KANK1: variants seen among roughly 807,000 people sequenced by gnomAD.
The protein encoded by KANK1 is KN motif and ankyrin repeat domains 1.
Under a neutral mutation model 106.2 loss-of-function variants are expected in KANK1, and 109 were observed. The observed-to-expected ratio is 1.03, with a 90% CI of 0.88 to 1.20. The LOEUF (loss-of-function observed/expected upper bound fraction) is 1.20. Among genes scored for constraint, KANK1 ranks in the 50% most tolerant of loss-of-function variants. The pLI is 0.00. For synonymous variants in KANK1, 873 were observed against 652.2 expected (o/e 1.34, Z -5.16); for missense variants, 2,399 against 1,710.7 (o/e 1.40, Z -7.10).
intron 1 of KANK1, among the ~76,000 whole-genome samples, chr9:654,047 G>C (rs1045863059): frequency 1.3e-5 from 2 of 152,160 alleles, no homozygotes; most frequent in Admixed American, 1.3e-4. Flanking sequence ...CACAAACTGA[G>C]GCTGAAATTG....
intron 1 of KANK1, among the ~76,000 whole-genome samples, chr9:672,009 C>T (rs1185101054): frequency 1.3e-5 from 2 of 152,142 alleles, no homozygotes; most frequent in Admixed American, 6.5e-5. Context: ...AAAGGATTTG[C>T]GCAAAGCCTC....
Position 711,018 on chromosome 9 carries a change from T to A in KANK1, c.252T>A (p.Gly84=), listed in dbSNP as rs1825894907. 6.2e-7 allele frequency: 1 copy of A among 1,614,144 alleles called. No homozygotes were observed. Among genetic ancestry groups the A allele is most frequent in the African/African-American group, 1.3e-5 (1 of 75,030 alleles). The stretch of plus-strand genomic sequence containing the variant: ...CCAGGACCACATCTGGTCAGCAAGG[T>A]ATATGGACTTCCACTGAATCCCTCT... ...PEPRTTSGQQ[G]IWTSTESLSS... is the part of the protein sequence containing the mutation. Residue 84 remains glycine (G), a synonymous_variant, in exon 3 of 12, where the codon GGT becomes GGA. Transcript: ENST00000382297.
intron 1 of KANK1, among the ~76,000 whole-genome samples, chr9:511,390 G>C (rs2059021769): frequency 6.6e-6 from 1 of 152,148 alleles, no homozygotes; most frequent in Admixed American, 6.5e-5. Flanking sequence ...AATATTGTAG[G>C]TGTAGGCCCA....
At chr9:567,272 A>G (rs1318550265) in intron 1 of KANK1, among the ~76,000 whole-genome samples, 1 of 152,172 alleles carries the variant, frequency 6.6e-6, no homozygotes, top group African/African-American at 2.4e-5. Context: ...GAAGTTGGGT[A>G]GTGTAATGCC....
chr9:656,434 A>G (rs969462575), intron 1 of KANK1, among the ~76,000 whole-genome samples: 4 of 152,296 alleles, frequency 2.6e-5, no homozygotes, highest in African/African-American at 7.2e-5. Context: ...GGGCTGAGCC[A>G]GTGGTCTTCC....
At chr9:679,663 C>T (rs967305389) in intron 2 of KANK1, among the ~76,000 whole-genome samples, 1 of 152,130 alleles carries the variant, frequency 6.6e-6, no homozygotes, top group African/African-American at 2.4e-5. Flanking sequence ...GATCTGCCTA[C>T]CTCGGCACTT....
At chr9:716,949 C>G (rs1827871804) in intron 3 of KANK1, among the ~76,000 whole-genome samples, 1 of 151,500 alleles carries the variant, frequency 6.6e-6, no homozygotes, top group Admixed American at 6.6e-5. Flanking sequence ...CACCACTACA[C>G]TCCAGCCTGG....
chr9:650,638 A>G (rs577175548), intron 1 of KANK1, among the ~76,000 whole-genome samples: 1 of 152,316 alleles, frequency 6.6e-6, no homozygotes, highest in Non-Finnish European at 1.5e-5. Context: ...AGTGGCACAC[A>G]CCAGACCCTC....
chr9:591,115 A>T (rs1305512047), intron 1 of KANK1, among the ~76,000 whole-genome samples: 1 of 151,704 alleles, frequency 6.6e-6, no homozygotes, highest in African/African-American at 2.4e-5. Context: ...CCATTTCTCC[A>T]GAGGGGTATT....
chr9:637,409 A>G (rs1250137379), intron 1 of KANK1, among the ~76,000 whole-genome samples: 2 of 152,194 alleles, frequency 1.3e-5, no homozygotes, highest in African/African-American at 4.8e-5. Flanking sequence ...CATTGTGACT[A>G]ATGATGACTG....
At chr9:676,105 G>A (rs143677429) in intron 1 of KANK1, among the ~76,000 whole-genome samples, 557 of 152,192 alleles carry the variant, frequency 3.7e-3, no homozygotes, top group Middle Eastern at 0.014. Flanking sequence ...GGTTTTGGAC[G>A]GCTTCTTTAC....
chr9:706,898 A>G, intron 2 of KANK1: 1 of 985,462 alleles, frequency 1.0e-6, no homozygotes, highest in Non-Finnish European at 1.2e-6. Context: ...GGAAAAACAG[A>G]GCCTCTCTGT....
At chr9:582,226 G>C (rs541238278) in intron 1 of KANK1, among the ~76,000 whole-genome samples, 1 of 152,228 alleles carries the variant, frequency 6.6e-6, no homozygotes, top group South Asian at 2.1e-4. Flanking sequence ...TGTGGGAGGA[G>C]GGGAGTATGG....
At chr9:521,282 C>T (rs976770329) in intron 1 of KANK1, among the ~76,000 whole-genome samples, 3 of 151,692 alleles carry the variant, frequency 2.0e-5, no homozygotes, top group African/African-American at 7.3e-5. Flanking sequence ...CACCCTCACA[C>T]TCCTTTTTAT....
chr9:490,263 A>G (rs774127586), intron 3 of KANK1, among the ~76,000 whole-genome samples: 5 of 152,208 alleles, frequency 3.3e-5, no homozygotes, highest in African/African-American at 4.8e-5. Flanking sequence ...GTACTTTGGG[A>G]GCCCAAAAAA....
intron 6 of KANK1, chr9:734,478 C>A: frequency 3.2e-6 from 1 of 311,516 alleles, no homozygotes; most frequent in South Asian, 3.5e-5. Context: ...CCAGCCTGGC[C>A]AACATAGTGA....
intron 1 of KANK1, among the ~76,000 whole-genome samples, chr9:600,684 C>T (rs1388134320): frequency 6.6e-6 from 1 of 151,732 alleles, no homozygotes; most frequent in African/African-American, 2.4e-5. Context: ...TCACCTCATG[C>T]CCAACATAAC....
intron 1 of KANK1, among the ~76,000 whole-genome samples, chr9:519,086 C>G (rs543426404): frequency 1.3e-5 from 2 of 151,684 alleles, no homozygotes; most frequent in African/African-American, 4.9e-5. Flanking sequence ...AACGGGGTTT[C>G]TCCATGTTGG....
chr9:537,030 G>GGAAGCGAGAGA (rs2060336262), intron 1 of KANK1, among the ~76,000 whole-genome samples: 1 of 152,142 alleles, frequency 6.6e-6, no homozygotes, highest in East Asian at 1.9e-4. Flanking sequence ...TTTAGGACAA[G>GGAAGCGAGAGA]GAAGCGAGAG....
Sources: gnomAD v4.1 joint callset for allele counts (sites outside exome capture counted in the v4.1 genomes callset) on GRCh38, gnomAD v4.1.1 for gene constraint, MANE v1.5 for transcripts, NCBI Gene and HGNC (gene_info 2026-07-23, HGNC 2026-07-21) for gene names.